Variants in SORCS2 observed in about 807,000 individuals in gnomAD.
SORCS2 encodes VPS10 domain-containing receptor SorCS2.
A neutral mutation model predicts 141.6 loss-of-function variants in SORCS2; 100 were observed. That is an observed-to-expected ratio of 0.71 (90% CI 0.60 to 0.83). SORCS2 has a LOEUF of 0.83. Among genes scored for constraint, SORCS2 ranks in the 40% least tolerant of loss-of-function variants. SORCS2 has a pLI of 0.00. For synonymous variants in SORCS2, 789 were observed against 676.9 expected (o/e 1.17, Z -2.57); for missense variants, 1,646 against 1,560.2 (o/e 1.05, Z -0.93).
intron 2 of SORCS2, among the ~76,000 whole-genome samples, chr4:7,521,782 T>C (rs744358): frequency 0.65 from 99,582 of 152,164 alleles, 33,691 homozygotes; most frequent in East Asian, 0.99. Context: ...AAAGTGCAGG[T>C]GTGAATACAT....
At chr4:7,346,826 T>C (rs1720679159) in intron 1 of SORCS2, among the ~76,000 whole-genome samples, 1 of 152,220 alleles carries the variant, frequency 6.6e-6, no homozygotes. Context: ...ACAATGCTAG[T>C]TTCTTCTACC....
chr4:7,633,870 G>C (rs1470837709), intron 3 of SORCS2, among the ~76,000 whole-genome samples: 1 of 63,380 alleles, frequency 1.6e-5, no homozygotes, highest in African/African-American at 3.5e-5. Context: ...GGGCCAGTGA[G>C]GATGGTGGAC....
At chr4:7,365,917 C>T (rs1721853979) in intron 1 of SORCS2, among the ~76,000 whole-genome samples, 2 of 152,202 alleles carry the variant, frequency 1.3e-5, no homozygotes, top group Admixed American at 6.5e-5. Context: ...CTGGGCTGTC[C>T]CTGCCCCCTG....
chr4:7,374,974 A>G (rs953139340), intron 1 of SORCS2, among the ~76,000 whole-genome samples: 3 of 152,158 alleles, frequency 2.0e-5, no homozygotes, highest in Admixed American at 6.5e-5. Context: ...GTTTCAGGCA[A>G]ATTGACATTT....
chr4:7,364,392 A>G (rs1025417974), intron 1 of SORCS2, among the ~76,000 whole-genome samples: 2 of 152,224 alleles, frequency 1.3e-5, no homozygotes, highest in African/African-American at 4.8e-5. Context: ...ATAGAAAGCA[A>G]TGTGACTGAC....
chr4:7,573,404 G>T (rs1715524130), intron 3 of SORCS2, among the ~76,000 whole-genome samples: 1 of 152,214 alleles, frequency 6.6e-6, no homozygotes, highest in African/African-American at 2.4e-5. Flanking sequence ...GCCAATGTCA[G>T]TCTGGTTCCT....
At chr4:7,391,464 A>G (rs1445325368) in intron 1 of SORCS2, among the ~76,000 whole-genome samples, 1 of 152,178 alleles carries the variant, frequency 6.6e-6, no homozygotes, top group Non-Finnish European at 1.5e-5. Context: ...TGAGCCCAGC[A>G]CAGGGCTTGG....
At chr4:7,638,001 A>G (rs1214762744) in intron 3 of SORCS2, among the ~76,000 whole-genome samples, 1 of 152,170 alleles carries the variant, frequency 6.6e-6, no homozygotes, top group East Asian at 1.9e-4. Flanking sequence ...GCTAAGATTC[A>G]CACTGAGCCG....
intron 2 of SORCS2, among the ~76,000 whole-genome samples, chr4:7,468,123 C>G (rs1729732760): frequency 6.6e-6 from 1 of 152,242 alleles, no homozygotes; most frequent in Admixed American, 6.5e-5. Flanking sequence ...TGTTCTCTGC[C>G]CCTACATCAC....
intron 1 of SORCS2, among the ~76,000 whole-genome samples, chr4:7,355,061 G>A (rs1721166488): frequency 6.6e-6 from 1 of 152,058 alleles, no homozygotes; most frequent in Non-Finnish European, 1.5e-5. Context: ...CACCCAATCT[G>A]TTCTGTATGT....
At chr4:7,310,992 G>C (rs1035335138) in intron 1 of SORCS2, among the ~76,000 whole-genome samples, 1 of 152,190 alleles carries the variant, frequency 6.6e-6, no homozygotes, top group Non-Finnish European at 1.5e-5. Context: ...GAATTTTGAC[G>C]TGTGTTTATT....
At chr4:7,399,109 A>G (rs146985060) in intron 2 of SORCS2, among the ~76,000 whole-genome samples, 335 of 152,148 alleles carry the variant, frequency 2.2e-3, no homozygotes, top group African/African-American at 7.7e-3. Flanking sequence ...TTTCTGTTTT[A>G]ATTACTACTC....
chr4:7,266,655 C>T (rs1346108184), intron 1 of SORCS2, among the ~76,000 whole-genome samples: 1 of 152,226 alleles, frequency 6.6e-6, no homozygotes, highest in African/African-American at 2.4e-5. Context: ...GAAGCGGACT[C>T]AGCCCTGCCC....
At chr4:7,288,323 G>A (rs73208407) in intron 1 of SORCS2, among the ~76,000 whole-genome samples, 62 of 152,136 alleles carry the variant, frequency 4.1e-4, no homozygotes, top group Non-Finnish European at 4.4e-4. Flanking sequence ...CCTCCACGGT[G>A]AACTTCTTTT....
At chr4:7,653,391 G>GCC (rs1721558797) in intron 4 of SORCS2, among the ~76,000 whole-genome samples, 1 of 152,146 alleles carries the variant, frequency 6.6e-6, no homozygotes, top group African/African-American at 2.4e-5. Flanking sequence ...TTACAGGCAT[G>GCC]CGCCACCATG....
At chr4:7,426,585 G>A (rs1052532210) in intron 2 of SORCS2, among the ~76,000 whole-genome samples, 1 of 152,220 alleles carries the variant, frequency 6.6e-6, no homozygotes, top group Non-Finnish European at 1.5e-5. Context: ...AGCTCAGGGA[G>A]GGTTGGTGTC....
Position 7,225,724 on chromosome 4 carries a change from T to C in SORCS2, c.480+32598T>C, listed in dbSNP as rs116479410. On this transcript the variant is annotated intron_variant, in intron 1 of 26. Coordinates refer to ENST00000507866, the MANE Select transcript of SORCS2 (RefSeq NM_020777.3). ...CCCTGTGAGCTGGCCCACCAGGCTG[T>C]GCAGACATCTCTCTCTCTCCTCTTG... Among the ~76,000 whole-genome samples, 1,513 of 152,250 alleles carry C rather than the reference T, an allele frequency of 9.9e-3. 26 individuals carry two copies. The highest frequency in any genetic ancestry group is 0.035 in the African/African-American group (1,436 of 41,528).
intron 3 of SORCS2, among the ~76,000 whole-genome samples, chr4:7,543,907 C>CCCATCCAT (rs1713000641): frequency 6.9e-5 from 3 of 43,484 alleles, no homozygotes; most frequent in Non-Finnish European, 9.0e-5. Context: ...CATCCATCCA[C>CCCATCCAT]CCATCCACCC....
chr4:7,287,608 C>A (rs151269528), intron 1 of SORCS2, among the ~76,000 whole-genome samples: 144 of 152,352 alleles, frequency 9.5e-4, no homozygotes, highest in Middle Eastern at 3.4e-3. Context: ...GAGAGAAAGT[C>A]TAATTTTACA....
Sources: allele counts gnomAD v4.1 joint callset (sites outside exome capture counted in the v4.1 genomes callset), GRCh38; gene constraint gnomAD v4.1.1; transcripts MANE v1.5; gene names NCBI Gene and HGNC (gene_info 2026-07-23, HGNC 2026-07-21).